Variants in FAM13A observed in about 807,000 individuals in gnomAD.
FAM13A encodes the protein protein FAM13A.
In FAM13A, 76 loss-of-function variants were observed where a neutral mutation model predicts 129.6. The observed-to-expected ratio is 0.59, with a 90% CI of 0.49 to 0.71. The LOEUF is 0.71. FAM13A is among the 30% of genes least tolerant of loss of function. The pLI, the probability that FAM13A is intolerant of heterozygous loss-of-function variation, is 0.00. For missense variants in FAM13A, 1,108 were observed against 1,249.3 expected, an observed-to-expected ratio of 0.89 and a Z score of 1.70; for synonymous variants, 443 against 449.9, an observed-to-expected ratio of 0.98 and a Z score of 0.20.
At chr4:89,052,240 C>G (rs1795724) in intron 1 of FAM13A, among the ~76,000 whole-genome samples, 1 of 144,374 alleles carries the variant, frequency 6.9e-6, no homozygotes, top group Non-Finnish European at 1.5e-5. Flanking sequence ...TAAGGAGGTT[C>G]TGGGCAGCGC....
At chr4:88,764,414 G>C (rs1745365873) in intron 13 of FAM13A, among the ~76,000 whole-genome samples, 1 of 152,100 alleles carries the variant, frequency 6.6e-6, no homozygotes, top group Admixed American at 6.6e-5. Context: ...TCTCAACAGA[G>C]ATTCATTGTA....
chr4:88,781,270 C>G lies in FAM13A; in HGVS notation c.1353G>C (p.Lys451Asn), dbSNP rs1413729578. Residue 451 changes from lysine (K) to asparagine (N), a missense_variant, in exon 11 of 24, where the codon AAG becomes AAC. Physicochemically the swap from Lys to Asn is moderately conservative, Grantham distance 94 (BLOSUM62 0). Transcript: ENST00000264344. ...CACAACCAAAAGTATTTTTGTGTACCTTTTCGACTTCCTGAGTATTCAAAA... is the reference window on the plus strand; with the variant it reads ...CACAACCAAAAGTATTTTTGTGTACGTTTTCGACTTCCTGAGTATTCAAAA... The part of the protein sequence containing the change: ...DCILNTQEVE[K>N]VHKNTFGCAG... The G allele has an allele frequency of 2.5e-6, 4 of 1,612,722 alleles. No homozygotes were observed. In the Admixed American group the frequency reaches 6.7e-5, roughly 27 times the overall value.
At chr4:88,933,695 G>A (rs1753403538) in intron 5 of FAM13A, among the ~76,000 whole-genome samples, 1 of 152,004 alleles carries the variant, frequency 6.6e-6, no homozygotes, top group Non-Finnish European at 1.5e-5. Context: ...CTTACCTTCA[G>A]ATCTTCTCAT....
chr4:88,847,321 G>T (rs1273680454), intron 7 of FAM13A, among the ~76,000 whole-genome samples: 1 of 152,202 alleles, frequency 6.6e-6, no homozygotes, highest in Non-Finnish European at 1.5e-5. Context: ...AGCTCAGGAA[G>T]TCAAGGCTGC....
chr4:88,847,952 CAA>C (rs1554004314), intron 7 of FAM13A, among the ~76,000 whole-genome samples: 1 of 136,958 alleles, frequency 7.3e-6, no homozygotes. Flanking sequence ...GACTCTGTCC[CAA>C]AAAAAAAAAA....
chr4:88,805,779 C>T (rs997794633), intron 7 of FAM13A, among the ~76,000 whole-genome samples: 2 of 151,976 alleles, frequency 1.3e-5, no homozygotes, highest in Non-Finnish European at 2.9e-5. Context: ...AGTGATCCTC[C>T]CACGTCAGCC....
chr4:88,838,588 G>A (rs1423662965), intron 7 of FAM13A, among the ~76,000 whole-genome samples: 2 of 152,050 alleles, frequency 1.3e-5, no homozygotes, highest in African/African-American at 4.8e-5. Flanking sequence ...TTAGCCGGGC[G>A]TGGTGGCGGG....
intron 6 of FAM13A, among the ~76,000 whole-genome samples, chr4:88,893,839 A>AAAG (rs1197213723): frequency 1.3e-5 from 2 of 151,624 alleles, no homozygotes; most frequent in Non-Finnish European, 2.9e-5. Context: ...AAAAAAAAAA[A>AAAG]AAAAGAAACA....
At chr4:88,924,587 A>T (rs1350648205) in intron 5 of FAM13A, among the ~76,000 whole-genome samples, 1 of 152,198 alleles carries the variant, frequency 6.6e-6, no homozygotes, top group African/African-American at 2.4e-5. Flanking sequence ...TTTAGACCTA[A>T]AACCATAAAA....
chr4:88,970,452 T>C (rs1297092886), intron 4 of FAM13A, among the ~76,000 whole-genome samples: 3 of 151,278 alleles, frequency 2.0e-5, no homozygotes, highest in African/African-American at 4.8e-5. Context: ...GAGATATATA[T>C]ATATATGATA....
At chr4:88,748,906 C>A in intron 17 of FAM13A, 46 bp downstream of exon 17, 1 of 1,348,964 alleles carries the variant, frequency 7.4e-7, no homozygotes, top group South Asian at 1.2e-5. Flanking sequence ...AGAGATTCTG[C>A]ACCTGGCTTG....
rs867697327 is a variant in FAM13A, at chr4:88,732,009, C to T, written c.2836G>A (p.Ala946Thr). The T allele has an allele frequency of 6.2e-7, 1 of 1,609,224 alleles. No individual in the cohort carries two copies. The highest frequency in any genetic ancestry group is 1.3e-5 in the African/African-American group (1 of 74,784). ...QDTGLSNLHA[A>T]SIPELLEHLQ... ...ACCACCAAAATGACATACATTGAGG[C>T]AGCATGGAGATTTGAAAGCCCTGTG... Residue 946 changes from alanine (A) to threonine (T), a missense_variant, in exon 22 of 24, where the codon GCC becomes ACC. Ala to Thr is a moderately conservative substitution (Grantham distance 58, BLOSUM62 0). Transcript: ENST00000264344.
intron 6 of FAM13A, among the ~76,000 whole-genome samples, chr4:88,898,995 C>T (rs889647218): frequency 1.3e-5 from 2 of 151,848 alleles, no homozygotes; most frequent in East Asian, 1.9e-4. Context: ...GCACAATTCA[C>T]AATTGCAAAA....
At chr4:88,892,508 A>G (rs1233122659) in intron 6 of FAM13A, among the ~76,000 whole-genome samples, 2 of 152,134 alleles carry the variant, frequency 1.3e-5, no homozygotes, top group Admixed American at 1.3e-4. Flanking sequence ...AACAACAACA[A>G]CAAAAATACT....
chr4:88,869,577 A>G (rs958740540), intron 6 of FAM13A, among the ~76,000 whole-genome samples: 1 of 152,230 alleles, frequency 6.6e-6, no homozygotes, highest in Non-Finnish European at 1.5e-5. Context: ...AGCTTAAATC[A>G]GGCACCCTTG....
At chr4:89,050,780 C>T (rs1771491195) in intron 1 of FAM13A, among the ~76,000 whole-genome samples, 1 of 151,700 alleles carries the variant, frequency 6.6e-6, no homozygotes, top group African/African-American at 2.4e-5. Flanking sequence ...ATACAAAAAT[C>T]AGCTGGGTGT....
intron 1 of FAM13A, among the ~76,000 whole-genome samples, chr4:89,046,390 T>G (rs1770864396): frequency 6.6e-6 from 1 of 152,154 alleles, no homozygotes; most frequent in Non-Finnish European, 1.5e-5. Context: ...TAAATGGCAG[T>G]TACATGGAGA....
intron 3 of FAM13A, among the ~76,000 whole-genome samples, chr4:89,013,689 T>C (rs1034938184): frequency 1.3e-4 from 20 of 152,328 alleles, no homozygotes; most frequent in African/African-American, 4.6e-4. Context: ...CTTCCAGTCC[T>C]ATAAAAGTAT....
chr4:88,956,630 T>G (rs1337399640), intron 4 of FAM13A, among the ~76,000 whole-genome samples: 1 of 152,212 alleles, frequency 6.6e-6, no homozygotes, highest in Non-Finnish European at 1.5e-5. Flanking sequence ...CACACATTTA[T>G]TATCTTGGAG....
Sources: gnomAD v4.1 joint callset for allele counts (sites outside exome capture counted in the v4.1 genomes callset) on GRCh38, gnomAD v4.1.1 for gene constraint, MANE v1.5 for transcripts, NCBI Gene and HGNC (gene_info 2026-07-23, HGNC 2026-07-21) for gene names.